Variants in UBAP2 observed in about 807,000 individuals in gnomAD.
The protein encoded by UBAP2 is ubiquitin associated protein 2, also known as ubiquitin-associated protein 2.
Under a neutral mutation model 139.6 loss-of-function variants are expected in UBAP2, and 75 were observed. That is an observed-to-expected ratio of 0.54 (90% CI 0.45 to 0.65). The LOEUF (loss-of-function observed/expected upper bound fraction) is 0.65, where lower values mean the gene tolerates loss of function less well. Ranked by LOEUF, UBAP2 falls within the 30% of genes least tolerant of loss-of-function variation. The pLI is 0.00. For missense variants in UBAP2, 1,368 were observed against 1,369.6 expected, an observed-to-expected ratio of 1.00 and a Z score of 0.02; for synonymous variants, 526 against 526.2, an observed-to-expected ratio of 1.00 and a Z score of 0.01.
In UBAP2 at chr9:34,040,536, A is replaced by G. The variant is rs1237377431; in HGVS notation, c.-42+8289T>C. Among the ~76,000 whole-genome samples the G allele has an allele frequency of 2.6e-5, 4 of 152,130 alleles. No individual in the cohort carries two copies. In the East Asian group the frequency reaches 5.8e-4, roughly 22 times the overall value. ...TGAGGTGGGAAGATCACTTGAGCCC[A>G]GGAGTTCACGACCAGCCCAGCCAAC... is the stretch of plus-strand genomic sequence containing the variant. On this transcript the variant is annotated intron_variant, in intron 1 of 28. Transcript: ENST00000379238.
At chr9:33,995,052 T>A (rs1297296600) in intron 4 of UBAP2, 2 of 152,098 alleles carry the variant, frequency 1.3e-5, no homozygotes, top group Admixed American at 6.6e-5. Flanking sequence ...AATAGTTTCC[T>A]CAATTTAAGA....
intron 2 of UBAP2, among the ~76,000 whole-genome samples, chr9:34,007,085 G>T (rs1823284506): frequency 6.6e-6 from 1 of 152,116 alleles, no homozygotes; most frequent in African/African-American, 2.4e-5. Flanking sequence ...GAGTTTTTAG[G>T]TTTTTCTAAA....
intron 2 of UBAP2, 41 bp from the exon 3 acceptor site, chr9:33,998,905 A>T (rs1822433716): frequency 1.3e-6 from 2 of 1,553,602 alleles, no homozygotes; most frequent in African/African-American, 2.7e-5. Context: ...GAACACCAAA[A>T]GCATAAGTTA....
In UBAP2 at chr9:33,975,595, G is replaced by A. The variant is rs921821967; in HGVS notation, c.521-2358C>T. 6.6e-5 allele frequency among the ~76,000 whole-genome samples: 10 copies of A among 150,716 alleles called. No individual in the cohort carries two copies. In the East Asian group the frequency reaches 1.4e-3, roughly 21 times the overall value. ...GGACGGATCACAAGGTCAGGAGATC[G>A]AGACCATCCTGGCTAACACGGTGAA... On this transcript the variant is annotated intron_variant, in intron 6 of 28. Transcript: ENST00000379238.
At position 34,028,937 on chromosome 9, in the gene UBAP2, T is replaced by A. The variant is rs376552277; in HGVS notation, c.-41-11748A>T. On this transcript the variant is annotated intron_variant, in intron 1 of 28. Coordinates refer to ENST00000379238, the MANE Select transcript of UBAP2 (RefSeq NM_001370062.2). Reference sequence around the variant, plus strand: ...GAGCAAACCTGGGCGGCGTGGCAAGTCCTCGTCTATACAATAAATTTTTTT... The same window carrying A: ...GAGCAAACCTGGGCGGCGTGGCAAGACCTCGTCTATACAATAAATTTTTTT... 5.9e-5 allele frequency among the ~76,000 whole-genome samples: 9 copies of A among 151,828 alleles called. No individual in the cohort carries two copies. The East Asian group carries it at 1.5e-3, about 26-fold the overall frequency.
intron 2 of UBAP2, chr9:34,011,604 T>TA (rs1823755709): frequency 7.1e-6 from 7 of 984,808 alleles, no homozygotes; most frequent in Non-Finnish European, 7.2e-6. Context: ...GCACCAAACA[T>TA]AAGAGTATAA....
rs934705686 is a variant in UBAP2 at position 33,923,386 on chromosome 9, G to A, written c.2889C>T (p.Tyr963=). Residue 963 remains tyrosine, a synonymous_variant, in exon 25 of 29, where the codon TAC becomes TAT. Coordinates refer to ENST00000379238, the MANE Select transcript of UBAP2 (RefSeq NM_001370062.2). ...CTGGGAAGTACCCCTCACCTGTACT[G>A]TAGCCGTGCTGGCCATAACCACTGG... is the stretch of plus-strand genomic sequence containing the variant. ...QQASGYGQHG[Y]STGYDDLTQG... is the part of the protein sequence containing the mutation. 1 of 1,614,192 alleles carries A rather than the reference G, an allele frequency of 6.2e-7. No individual in the cohort carries two copies. Among genetic ancestry groups the A allele is most frequent in the Admixed American group, 1.7e-5 (1 of 60,022 alleles).
rs1564031741 is a variant in UBAP2, at chr9:33,960,826, A to C, written c.798T>G (p.Asp266Glu). ...GTCTCATCTGACAGCAAACACTTAC[A>C]TCTTCAGTCCAGTCTTCTGTTGTCC... is the stretch of plus-strand genomic sequence containing the variant. ...EEWTTEDWTE[D>E]LSETKVFTAS... The change falls in exon 10 of 29, where the codon GAT becomes GAG. Residue 266 changes from aspartate (D) to glutamate (E), a missense_variant and splice_region_variant. Physicochemically the swap from Asp to Glu is conservative, Grantham distance 45. Transcript: ENST00000379238. 1.9e-6 allele frequency: 3 copies of C among 1,613,522 alleles called. No individual in the cohort carries two copies. Among genetic ancestry groups the C allele is most frequent in the Admixed American group, 3.3e-5 (2 of 59,978 alleles).
intron 6 of UBAP2, among the ~76,000 whole-genome samples, chr9:33,985,391 A>G (rs1821116247): frequency 6.6e-6 from 1 of 152,218 alleles, no homozygotes; most frequent in Non-Finnish European, 1.5e-5. Context: ...CACTATTCAC[A>G]ATATTCACAA....
At chr9:33,963,379 A>C (rs1827216531) in intron 9 of UBAP2, among the ~76,000 whole-genome samples, 1 of 152,260 alleles carries the variant, frequency 6.6e-6, no homozygotes, top group South Asian at 2.1e-4. Flanking sequence ...CCTACACCAC[A>C]AAATATAACG....
At chr9:33,989,232 T>A in intron 4 of UBAP2, 106 bp from the exon 5 acceptor site, 1 of 1,299,442 alleles carries the variant, frequency 7.7e-7, no homozygotes, top group South Asian at 1.7e-5. Context: ...AGACGGAGTC[T>A]CGCTCTGTCG....
chr9:34,013,962 C>T (rs1409917737), intron 2 of UBAP2, among the ~76,000 whole-genome samples: 1 of 151,888 alleles, frequency 6.6e-6, no homozygotes, highest in African/African-American at 2.4e-5. Context: ...AAATACTTCC[C>T]AGAATAGGAT....
intron 1 of UBAP2, among the ~76,000 whole-genome samples, chr9:34,039,128 C>T (rs1315355404): frequency 7.9e-5 from 12 of 151,978 alleles, no homozygotes; most frequent in South Asian, 2.1e-4. Context: ...GCCCGGCAGC[C>T]GGCCCGTCTG....
At chr9:33,997,625 C>CT (rs1241546121) in intron 3 of UBAP2, 1 of 152,186 alleles carries the variant, frequency 6.6e-6, no homozygotes, top group Non-Finnish European at 1.5e-5. Flanking sequence ...ATGATCTGTA[C>CT]TAAGTGAATG....
chr9:34,025,440 C>T (rs1564069012), intron 1 of UBAP2, among the ~76,000 whole-genome samples: 3 of 152,200 alleles, frequency 2.0e-5, no homozygotes, highest in Non-Finnish European at 4.4e-5. Flanking sequence ...ACCAGGCTTA[C>T]TTCAATCTAT....
chr9:33,973,519 C>T (rs1828064739), intron 6 of UBAP2, among the ~76,000 whole-genome samples: 1 of 152,118 alleles, frequency 6.6e-6, no homozygotes, highest in Non-Finnish European at 1.5e-5. Flanking sequence ...CAGTCTGCAT[C>T]TTTTAAAATC....
chr9:33,942,865 T>C lies in UBAP2; in HGVS notation c.1715+555A>G, dbSNP rs1454475285. Among the ~76,000 whole-genome samples the C allele has an allele frequency of 5.9e-5, 9 of 152,180 alleles. 1 individual carries two copies. Among genetic ancestry groups the C allele is most frequent in the Admixed American group, 3.9e-4 (6 of 15,276 alleles). On this transcript the variant is annotated intron_variant, in intron 15 of 28. Transcript: ENST00000379238. ...ATAGACTACTGGTAGGAATGTCAAA[T>C]GCTACAGCCACAGTGGAAACAGTAT...
At chr9:34,007,888 G>A (rs554047928) in intron 2 of UBAP2, among the ~76,000 whole-genome samples, 10 of 152,036 alleles carry the variant, frequency 6.6e-5, no homozygotes, top group South Asian at 2.1e-4. Context: ...TGATCTGCCC[G>A]CCTCGGCCTC....
At chr9:33,928,783 C>T (rs892147878) in intron 19 of UBAP2, 2 of 152,458 alleles carry the variant, frequency 1.3e-5, no homozygotes, top group African/African-American at 4.8e-5. Flanking sequence ...GGAAGAAAAG[C>T]TCTGTAAGAG....
Sources: gnomAD v4.1 joint callset for allele counts (sites outside exome capture counted in the v4.1 genomes callset) on GRCh38, gnomAD v4.1.1 for gene constraint, MANE v1.5 for transcripts, NCBI Gene and HGNC (gene_info 2026-07-23, HGNC 2026-07-21) for gene names.